RAB11FIP4: variants seen among roughly 807,000 people sequenced by gnomAD.
RAB11FIP4 encodes RAB11 family interacting protein 4, also known as rab11 family-interacting protein 4.
In RAB11FIP4, 23 loss-of-function variants were observed where a neutral mutation model predicts 74.3. The observed-to-expected ratio is 0.31, with a 90% CI of 0.22 to 0.44. The LOEUF is 0.44. Among genes scored for constraint, RAB11FIP4 ranks in the 20% least tolerant of loss-of-function variants. RAB11FIP4 has a pLI of 1.00. For synonymous variants in RAB11FIP4, 360 were observed against 359.9 expected (o/e 1.00, Z 0.00); for missense variants, 630 against 863.9 (o/e 0.73, Z 3.39).
intron 3 of RAB11FIP4, among the ~76,000 whole-genome samples, chr17:31,439,173 G>C (rs1001254410): frequency 6.6e-6 from 1 of 152,194 alleles, no homozygotes; most frequent in Non-Finnish European, 1.5e-5. Flanking sequence ...CCCACAGCAA[G>C]CATCGTTATC....
intron 3 of RAB11FIP4, among the ~76,000 whole-genome samples, chr17:31,484,909 A>T (rs1475208433): frequency 2.6e-5 from 4 of 152,240 alleles, no homozygotes; most frequent in Non-Finnish European, 5.9e-5. Context: ...AGATGAGGAA[A>T]TTGAGACACT....
rs2072870717 is a variant in RAB11FIP4 at position 31,531,470 on chromosome 17, T to C, written c.1798-146T>C. Reference sequence around the variant, plus strand: ...GACTCTGGTCCTGGCATCCAAATGCTGAGGCTGTCCTGGGGCCCACCTTGC... The same window carrying C: ...GACTCTGGTCCTGGCATCCAAATGCCGAGGCTGTCCTGGGGCCCACCTTGC... On this transcript the variant is annotated intron_variant, in intron 14 of 14. Coordinates refer to ENST00000621161, the MANE Select transcript of RAB11FIP4 (RefSeq NM_032932.6). 3 of 646,142 alleles carry C rather than the reference T, an allele frequency of 4.6e-6. No homozygotes were observed. In the East Asian group the frequency reaches 7.7e-5, roughly 17 times the overall value. The allele number at this position is 646,142 out of a possible 1,614,324, so 40.0% of individuals were successfully genotyped here.
At chr17:31,456,444 C>G (rs943978349) in intron 3 of RAB11FIP4, among the ~76,000 whole-genome samples, 5 of 152,186 alleles carry the variant, frequency 3.3e-5, no homozygotes, top group Admixed American at 6.5e-5. Context: ...TGAGCTCAAG[C>G]GATCCGCCCC....
At position 31,421,552 on chromosome 17, in the gene RAB11FIP4, G is replaced by T. The variant is rs554203199; in HGVS notation, c.160-10261G>T. Among the ~76,000 whole-genome samples, 28 of 101,090 alleles carry T rather than the reference G, an allele frequency of 2.8e-4. No individual in the cohort carries two copies. In the East Asian group the frequency reaches 7.5e-3, roughly 27 times the overall value. 66.3% of individuals were successfully genotyped at this position (101,090 alleles called of 152,430 possible). On this transcript the variant is annotated intron_variant, in intron 1 of 14. Transcript: ENST00000621161. Reference sequence around the variant, plus strand: ...TTAGTTTAATTATATTATAGTCACAGGACTTTTTTTTTTTTTTTTTTGAGA... The same window carrying T: ...TTAGTTTAATTATATTATAGTCACATGACTTTTTTTTTTTTTTTTTTGAGA...
At chr17:31,521,776 T>C in intron 5 of RAB11FIP4, 139 bp from the exon 6 acceptor site, 1 of 922,628 alleles carries the variant, frequency 1.1e-6, no homozygotes, top group Non-Finnish European at 1.6e-6. Context: ...GATCTGTTGC[T>C]ATATTTCCAC....
chr17:31,530,233 G>A (rs2072843371), intron 13 of RAB11FIP4, 93 bp from the exon 14 acceptor site: 18 of 1,499,462 alleles, frequency 1.2e-5, no homozygotes, highest in East Asian at 9.1e-5. Flanking sequence ...TGGCGCTGGC[G>A]GCAGGTCGGG....
intron 1 of RAB11FIP4, among the ~76,000 whole-genome samples, chr17:31,402,815 CG>C (rs1013668330): frequency 3.3e-5 from 5 of 151,180 alleles, no homozygotes; most frequent in African/African-American, 4.9e-5. Flanking sequence ...TTAGTAGAGA[CG>C]GGGTTTCACC....
chr17:31,473,435 C>T (rs116031203), intron 3 of RAB11FIP4, among the ~76,000 whole-genome samples: 2,975 of 151,554 alleles, frequency 0.02, 103 homozygotes, highest in African/African-American at 0.068. Context: ...CCTAGCTACT[C>T]GGAGGCTGAG....
chr17:31,416,511 C>T (rs747916858), intron 1 of RAB11FIP4, among the ~76,000 whole-genome samples: 53 of 152,312 alleles, frequency 3.5e-4, no homozygotes, highest in Non-Finnish European at 6.2e-4. Flanking sequence ...GGGCCAGTGG[C>T]GGCCTGTGCC....
intron 3 of RAB11FIP4, among the ~76,000 whole-genome samples, chr17:31,478,128 G>A (rs1481660048): frequency 6.6e-6 from 1 of 151,314 alleles, no homozygotes; most frequent in Non-Finnish European, 1.5e-5. Context: ...GAGTAGCTGG[G>A]ATTATAGGCG....
At chr17:31,431,161 G>A (rs899574166) in intron 1 of RAB11FIP4, among the ~76,000 whole-genome samples, 25 of 152,270 alleles carry the variant, frequency 1.6e-4, no homozygotes, top group African/African-American at 5.3e-4. Context: ...TGAACCCACC[G>A]GGCAGAATGT....
At chr17:31,487,907 T>C (rs1443567547) in intron 3 of RAB11FIP4, 18 of 361,148 alleles carry the variant, frequency 5.0e-5, no homozygotes, top group Non-Finnish European at 6.2e-5. Context: ...GGGGGCGGGG[T>C]TACCTGGGCC....
chr17:31,456,428 A>G (rs1465332563), intron 3 of RAB11FIP4, among the ~76,000 whole-genome samples: 1 of 152,166 alleles, frequency 6.6e-6, no homozygotes, highest in Admixed American at 6.5e-5. Flanking sequence ...GCTTGTCTCG[A>G]ACTCCTGAGC....
intron 3 of RAB11FIP4, among the ~76,000 whole-genome samples, chr17:31,460,929 C>T (rs1430631903): frequency 2.6e-5 from 4 of 151,970 alleles, no homozygotes; most frequent in Admixed American, 1.3e-4. Context: ...ACAGGAGTTA[C>T]CACACACAGC....
Position 31,528,763 on chromosome 17 carries a change from C to G in RAB11FIP4, c.1638C>G (p.Val546=), listed in dbSNP as rs543800642. The change falls in exon 13 of 15, where the codon GTC becomes GTG. Residue 546 remains valine (V), a synonymous_variant. Coordinates refer to ENST00000621161, the MANE Select transcript of RAB11FIP4 (RefSeq NM_032932.6). The part of the protein sequence containing the change: ...RAREVELEHE[V]KRLKQENYKL... The stretch of plus-strand genomic sequence containing the variant: ...GCGAGGTGGAGCTCGAGCACGAGGT[C>G]AAGCGGCTCAAGCAGGTGGGTCTAG... 8.1e-6 allele frequency: 13 copies of G among 1,609,182 alleles called. No homozygotes were observed. The East Asian group carries it at 2.7e-4, about 33-fold the overall frequency.
chr17:31,427,220 C>T (rs2071261615), intron 1 of RAB11FIP4, among the ~76,000 whole-genome samples: 1 of 152,218 alleles, frequency 6.6e-6, no homozygotes, highest in African/African-American at 2.4e-5. Context: ...CTCAGCCTCC[C>T]GAAGTGCTGG....
chr17:31,396,205 A>C (rs2070929053), intron 1 of RAB11FIP4, among the ~76,000 whole-genome samples: 1 of 110,662 alleles, frequency 9.0e-6, no homozygotes, highest in Non-Finnish European at 2.4e-5. Context: ...AAAGAAAAGA[A>C]AAGAAAAGAA....
intron 3 of RAB11FIP4, among the ~76,000 whole-genome samples, chr17:31,440,771 A>G (rs1320368681): frequency 2.6e-5 from 4 of 152,126 alleles, no homozygotes; most frequent in African/African-American, 9.7e-5. Flanking sequence ...TCTGTCATAC[A>G]CACACACACA....
intron 3 of RAB11FIP4, among the ~76,000 whole-genome samples, chr17:31,510,491 G>T (rs1195421987): frequency 6.6e-6 from 1 of 152,256 alleles, no homozygotes; most frequent in Non-Finnish European, 1.5e-5. Flanking sequence ...CTGTTCTTTG[G>T]CTCTGAGTTA....
Sources: allele counts gnomAD v4.1 joint callset (sites outside exome capture counted in the v4.1 genomes callset), GRCh38; gene constraint gnomAD v4.1.1; transcripts MANE v1.5; gene names NCBI Gene and HGNC (gene_info 2026-07-23, HGNC 2026-07-21).